NGB: variants seen among roughly 807,000 people sequenced by gnomAD.
The protein encoded by NGB is neuroglobin, also known as nitrite reductase.
In NGB, 12 loss-of-function variants were observed where a neutral mutation model predicts 17.3. The observed-to-expected ratio is 0.69, with a 90% CI of 0.45 to 1.13. NGB has a LOEUF of 1.13. Among genes scored for constraint, NGB ranks in the 50% most tolerant of loss-of-function variants. The probability of loss-of-function intolerance (pLI) is 0.00; values close to 1 mark genes in which losing one functional copy is unlikely to be tolerated. For synonymous variants in NGB, 87 were observed against 81.0 expected, an observed-to-expected ratio of 1.07 and a Z score of -0.40; for missense variants, 195 against 191.7, an observed-to-expected ratio of 1.02 and a Z score of -0.10.
At chr14:77,266,774 C>CT (rs28909968) in intron 3 of NGB, 104 bp from the exon 4 acceptor site, 4 of 1,304,076 alleles carry the variant, frequency 3.1e-6, no homozygotes, top group South Asian at 1.5e-5. Flanking sequence ...GCTCCTGGGC[C>CT]TTTTTTCCTC....
chr14:77,267,918 G>C (rs1889695945), intron 3 of NGB, among the ~76,000 whole-genome samples: 1 of 152,224 alleles, frequency 6.6e-6, no homozygotes, highest in Non-Finnish European at 1.5e-5. Context: ...AGGCTTTATA[G>C]GCACTTTCAC....
At chr14:77,269,634 ACCTGGAGTT>A (rs1889725265) in intron 1 of NGB, among the ~76,000 whole-genome samples, 2 of 150,218 alleles carry the variant, frequency 1.3e-5, no homozygotes, top group South Asian at 2.1e-4. Flanking sequence ...CAAACAGGAA[ACCTGGAGTT>A]ACGTTGTGTG....
At chr14:77,268,703 C>T in intron 2 of NGB, 118 bp from the exon 3 acceptor site, 2 of 1,406,144 alleles carry the variant, frequency 1.4e-6, no homozygotes, top group African/African-American at 2.8e-5. Flanking sequence ...CCTCAGTTCT[C>T]CAAGATCAGG....
chr14:77,268,374 T>G, intron 3 of NGB, 92 bp downstream of exon 3: 2 of 1,366,266 alleles, frequency 1.5e-6, no homozygotes, highest in Non-Finnish European at 1.0e-6. Flanking sequence ...GATATGGGAA[T>G]GGGAGAGAGA....
intron 1 of NGB, among the ~76,000 whole-genome samples, chr14:77,269,698 CT>C: frequency 1.6e-3 from 2 of 1,234 alleles, no homozygotes; most frequent in African/African-American, 2.7e-3. Flanking sequence ...CTCTCTCTCT[CT>C]CTCTCTCTCT....
intron 3 of NGB, among the ~76,000 whole-genome samples, chr14:77,267,820 C>T (rs1467375804): frequency 6.6e-6 from 1 of 152,156 alleles, no homozygotes. Flanking sequence ...GATTCATGCC[C>T]TTGAGTAGGG....
rs1384730853 is a variant in NGB at position 77,270,833 on chromosome 14, C to A, written c.89+16G>T. 3 of 1,561,376 alleles carry A rather than the reference C, an allele frequency of 1.9e-6. No individual in the cohort carries two copies. The highest frequency in any genetic ancestry group is 3.3e-4 in the Middle Eastern group (2 of 5,998). ...CAGCCTCCACCCGCATCCCCGGGCG[C>A]TCGTGTAGCCCTCACCTGGCAAACA... is the stretch of plus-strand genomic sequence containing the variant. On this transcript the variant is annotated intron_variant, in intron 1 of 3. Transcript: ENST00000298352.
rs1193006540 is a variant in NGB, at chr14:77,268,558, T to C, written c.229A>G (p.Thr77Ala). 1.2e-6 allele frequency: 2 copies of C among 1,613,304 alleles called. No homozygotes were observed. The change falls in exon 3 of 4, where the codon ACC becomes GCC. Residue 77 changes from threonine (T) to alanine (A), a missense_variant. By Grantham distance (58) the Thr-to-Ala change is moderately conservative. Coordinates refer to ENST00000298352, the MANE Select transcript of NGB (RefSeq NM_021257.4). ...KVMLVIDAAVTNVEDLSSLEE... is the reference protein window; with the variant it reads ...KVMLVIDAAVANVEDLSSLEE... ...AGTGAGGACAGGTCTTCCACATTGG[T>C]CACTGCAGCATCAATCACGAGCATC...
Position 77,269,260 on chromosome 14 carries a change from T to C in NGB, c.156A>G (p.Pro52=). 1.3e-6 allele frequency: 2 copies of C among 1,551,832 alleles called. No homozygotes were observed. The highest frequency in any genetic ancestry group is 1.7e-6 in the Non-Finnish European group (2 of 1,146,980). The change falls in exon 2 of 4, where the codon CCA becomes CCG. Residue 52 remains proline, a synonymous_variant. Transcript: ENST00000298352. ...ACTCAGGCGAGGAGAGACAGTCCTC[T>C]GGGCTGGAGAACTGGCGGCAGTTGT... The part of the protein sequence containing the change: ...FQYNCRQFSS[P]EDCLSSPEFL...
At chr14:77,269,077 G>A (rs986341003) in intron 2 of NGB, 138 bp downstream of exon 2, 9 of 602,324 alleles carry the variant, frequency 1.5e-5, no homozygotes, top group African/African-American at 1.5e-4. Context: ...AGCCCAGAGG[G>A]AAAGGAGCTG....
intron 1 of NGB, among the ~76,000 whole-genome samples, chr14:77,269,617 A>C (rs1889724657): frequency 6.6e-6 from 1 of 151,690 alleles, no homozygotes; most frequent in Non-Finnish European, 1.5e-5. Context: ...GGACAGGAAG[A>C]GGTCCCCAAA....
At position 77,268,577 on chromosome 14, in the gene NGB, G is replaced by T; in HGVS notation, c.210C>A (p.Leu70=). Residue 70 remains leucine (L), a synonymous_variant, in exon 3 of 4, where the codon CTC becomes CTA. Transcript: ENST00000298352. ...CATTGGTCACTGCAGCATCAATCAC[G>T]AGCATCACCTGCCAAGGCCAAGGCA... is the stretch of plus-strand genomic sequence containing the variant. ...EFLDHIRKVM[L]VIDAAVTNVE... The T allele has an allele frequency of 6.2e-7, 1 of 1,613,934 alleles. No individual in the cohort carries two copies. The highest frequency in any genetic ancestry group is 2.2e-5 in the East Asian group (1 of 44,870).
chr14:77,266,193 G>A lies in NGB; in HGVS notation c.*343C>T, dbSNP rs771390453. ...ACCTGAAGAAGCAGGACAGACAGAA[G>A]AGCCCCATCCTCTCCCACCTCCATA... On this transcript the variant is annotated 3_prime_UTR_variant, in exon 4 of 4. Transcript: ENST00000298352. 4 of 564,832 alleles carry A rather than the reference G, an allele frequency of 7.1e-6. No homozygotes were observed. The highest frequency in any genetic ancestry group is 1.1e-5 in the Non-Finnish European group (3 of 282,418). The allele number at this position is 564,832 out of a possible 1,614,324, so 35.0% of individuals were successfully genotyped here.
chr14:77,270,882 C>G lies in NGB; in HGVS notation c.56G>C (p.Ser19Thr). The G allele has an allele frequency of 6.3e-7, 1 of 1,585,586 alleles. No individual in the cohort carries two copies. Among genetic ancestry groups the G allele is most frequent in the Non-Finnish European group, 8.5e-7 (1 of 1,172,558 alleles). Residue 19 changes from serine to threonine, a missense_variant, in exon 1 of 4, where the codon AGC becomes ACC. Coordinates refer to ENST00000298352, the MANE Select transcript of NGB (RefSeq NM_021257.4). ...IRQSWRAVSRSPLEHGTVLFA... is the reference protein window; with the variant it reads ...IRQSWRAVSRTPLEHGTVLFA... The stretch of plus-strand genomic sequence containing the variant: ...CAGGACGGTGCCGTGCTCCAGCGGG[C>G]TGCGGCTCACTGCCCGCCAGCTCTG...
At chr14:77,268,368 T>C in intron 3 of NGB, 98 bp downstream of exon 3, 1 of 1,316,758 alleles carries the variant, frequency 7.6e-7, no homozygotes. Context: ...TCTAAGGATA[T>C]GGGAATGGGA....
Position 77,271,026 on chromosome 14 carries a change from G to T in NGB, c.-89C>A. The T allele has an allele frequency of 6.2e-6, 6 of 971,668 alleles. No individual in the cohort carries two copies. Among genetic ancestry groups the T allele is most frequent in the South Asian group, 1.8e-5 (1 of 56,660 alleles). 60.2% of individuals were successfully genotyped at this position (971,668 alleles called of 1,614,324 possible). A position where few individuals can be genotyped will look rare whatever the true frequency, so the allele number is the denominator to read the frequency against. ...TGCCGCGCCATCTCCTCCGCGACGC[G>T]GTCCCCTCCGCCCCTCGTACGCCCC... On this transcript the variant is annotated 5_prime_UTR_variant, in exon 1 of 4. Transcript: ENST00000298352.
chr14:77,269,476 C>A, intron 1 of NGB, 150 bp from the exon 2 acceptor site: 1 of 590,898 alleles, frequency 1.7e-6, no homozygotes. Flanking sequence ...ACTGCTCCCC[C>A]GCCAGCTTCG....
chr14:77,269,688 CT>C (rs1889730699), intron 1 of NGB, among the ~76,000 whole-genome samples: 1 of 1,164 alleles, frequency 8.6e-4, no homozygotes, highest in Non-Finnish European at 2.3e-3. Flanking sequence ...CTCTCTCTCT[CT>C]CTCTCTCTCT....
intron 1 of NGB, among the ~76,000 whole-genome samples, chr14:77,270,549 C>G (rs1476404601): frequency 6.6e-6 from 1 of 152,336 alleles, no homozygotes; most frequent in South Asian, 2.1e-4. Flanking sequence ...CGCGCAGGGA[C>G]GGAGGTCCAC....
Sources: allele counts gnomAD v4.1 joint callset (sites outside exome capture counted in the v4.1 genomes callset), GRCh38; gene constraint gnomAD v4.1.1; transcripts MANE v1.5; gene names NCBI Gene and HGNC (gene_info 2026-07-23, HGNC 2026-07-21).